Variants in VPS13B observed in about 807,000 individuals in gnomAD.
VPS13B encodes the protein intermembrane lipid transfer protein VPS13B.
VPS13B carries 285 observed loss-of-function variants against 426.4 expected under a neutral mutation model. That is an observed-to-expected ratio of 0.67 (90% confidence interval 0.61 to 0.74). The LOEUF (loss-of-function observed/expected upper bound fraction) is 0.74. Among genes scored for constraint, VPS13B ranks in the 30% least tolerant of loss-of-function variants. VPS13B has a pLI of 0.00. For missense variants in VPS13B, 4,537 were observed against 4,782.6 expected (o/e 0.95, Z 1.51); for synonymous variants, 1,676 against 1,676.4 (o/e 1.00, Z 0.01).
chr8:99,170,430 A>G (rs1382647987), intron 16 of VPS13B, among the ~76,000 whole-genome samples: 1 of 151,926 alleles, frequency 6.6e-6, no homozygotes, highest in African/African-American at 2.4e-5. Context: ...ACTACTTGAG[A>G]TTATAATAGG....
chr8:99,080,120 G>A (rs1485048373), intron 3 of VPS13B, among the ~76,000 whole-genome samples: 1 of 151,154 alleles, frequency 6.6e-6, no homozygotes, highest in Non-Finnish European at 1.5e-5. Flanking sequence ...TACTGCAGGG[G>A]TCATTATTCA....
chr8:99,304,952 T>C lies in VPS13B; in HGVS notation c.2824+29698T>C, dbSNP rs1270779712. Among the ~76,000 whole-genome samples, 12 of 152,246 alleles carry C rather than the reference T, an allele frequency of 7.9e-5. No homozygotes were observed. In the East Asian group the frequency reaches 2.3e-3, roughly 29 times the overall value. On this transcript the variant is annotated intron_variant, in intron 19 of 61. Coordinates refer to ENST00000357162, the MANE Select transcript of VPS13B (RefSeq NM_152564.5). ...AGCCTCATATTGTGTGGTATTTTCA[T>C]GTGCATATCATCCTCCCATCATGTG...
chr8:99,018,464 G>A (rs1165543818), intron 2 of VPS13B, among the ~76,000 whole-genome samples: 1 of 152,126 alleles, frequency 6.6e-6, no homozygotes, highest in Non-Finnish European at 1.5e-5. Flanking sequence ...TTAGTATGTC[G>A]ACCTATCCAG....
chr8:99,096,285 C>G (rs931831548), intron 3 of VPS13B, 27 bp from the exon 4 acceptor site: 1 of 1,612,368 alleles, frequency 6.2e-7, no homozygotes, highest in Non-Finnish European at 8.5e-7. Context: ...CGATGGTTTT[C>G]TTTTTCTTTC....
intron 5 of VPS13B, among the ~76,000 whole-genome samples, chr8:99,107,507 G>A (rs113706316): frequency 0.063 from 9,529 of 151,438 alleles, 409 homozygotes; most frequent in African/African-American, 0.12. Context: ...TTCCCCTTAC[G>A]TATTTTTTTT....
At chr8:99,254,258 C>T (rs1450278701) in intron 17 of VPS13B, among the ~76,000 whole-genome samples, 1 of 151,974 alleles carries the variant, frequency 6.6e-6, no homozygotes, top group East Asian at 1.9e-4. Flanking sequence ...TTTAGTTTCC[C>T]TTCATCTGAG....
intron 30 of VPS13B, among the ~76,000 whole-genome samples, chr8:99,542,193 C>A (rs1823660002): frequency 6.6e-6 from 1 of 152,108 alleles, no homozygotes; most frequent in African/African-American, 2.4e-5. Context: ...CTGGCCTAAG[C>A]AATAATAAAG....
chr8:99,024,457 C>T (rs1351004389), intron 2 of VPS13B, among the ~76,000 whole-genome samples: 1 of 152,098 alleles, frequency 6.6e-6, no homozygotes, highest in African/African-American at 2.4e-5. Context: ...GTCTTTAGTC[C>T]ATCTTGAGTT....
chr8:99,208,627 T>C (rs1282890724), intron 17 of VPS13B, among the ~76,000 whole-genome samples: 1 of 152,210 alleles, frequency 6.6e-6, no homozygotes, highest in Non-Finnish European at 1.5e-5. Context: ...ATAAATATTT[T>C]GCATAAAGTG....
intron 19 of VPS13B, among the ~76,000 whole-genome samples, chr8:99,285,143 T>C (rs1819365481): frequency 6.6e-6 from 1 of 152,216 alleles, no homozygotes; most frequent in Non-Finnish European, 1.5e-5. Flanking sequence ...CCTATGATTA[T>C]GCATTTCTGA....
At chr8:99,684,047 G>T (rs1263503730) in intron 35 of VPS13B, among the ~76,000 whole-genome samples, 1 of 152,118 alleles carries the variant, frequency 6.6e-6, no homozygotes, top group East Asian at 1.9e-4. Flanking sequence ...AATGGATATT[G>T]AATTTTTCAA....
chr8:99,318,671 C>T (rs143827312), intron 19 of VPS13B, among the ~76,000 whole-genome samples: 4 of 152,200 alleles, frequency 2.6e-5, no homozygotes, highest in African/African-American at 9.6e-5. Flanking sequence ...AGGCACGCAC[C>T]ACCAAGCCTA....
At chr8:99,029,458 C>T (rs1008677976) in intron 2 of VPS13B, among the ~76,000 whole-genome samples, 10 of 152,030 alleles carry the variant, frequency 6.6e-5, no homozygotes, top group Admixed American at 3.3e-4. Context: ...GCCGAGATCA[C>T]GCCACTGCAC....
chr8:99,296,779 T>C (rs780656057), intron 19 of VPS13B, among the ~76,000 whole-genome samples: 8 of 152,184 alleles, frequency 5.3e-5, no homozygotes, highest in African/African-American at 1.9e-4. Flanking sequence ...ATTGTCCTTC[T>C]GCCACGTGAG....
Position 99,294,102 on chromosome 8 carries a change from G to T in VPS13B, c.2824+18848G>T, listed in dbSNP as rs564076005. ...AAACACATGCACACATATGTTTATTGCGGCATTATTCACAATAGCAAAGAC... is the reference window on the plus strand; with the variant it reads ...AAACACATGCACACATATGTTTATTTCGGCATTATTCACAATAGCAAAGAC... On this transcript the variant is annotated intron_variant, in intron 19 of 61. Transcript: ENST00000357162. Among the ~76,000 whole-genome samples, 276 of 79,416 alleles carry T rather than the reference G, an allele frequency of 3.5e-3. 3 individuals are homozygous for T. The highest frequency in any genetic ancestry group is 0.014 in the African/African-American group (261 of 18,234). The allele number at this position is 79,416 out of a possible 152,430, so 52.1% of individuals were successfully genotyped here.
rs911395072 is a variant in VPS13B, at chr8:99,054,572, A to G, written c.291+16006A>G. 4.6e-5 allele frequency among the ~76,000 whole-genome samples: 7 copies of G among 152,126 alleles called. No homozygotes were observed. In the East Asian group the frequency reaches 9.6e-4, roughly 21 times the overall value. Reference sequence around the variant, plus strand: ...ACGTATTTAATTTGGATAAAGTCCAATTTGCCTATTTTTAACTTTTATTGC... The same window carrying G: ...ACGTATTTAATTTGGATAAAGTCCAGTTTGCCTATTTTTAACTTTTATTGC... On this transcript the variant is annotated intron_variant, in intron 3 of 61. Transcript: ENST00000357162.
intron 36 of VPS13B, 55 bp downstream of exon 36, chr8:99,699,987 C>T (rs1318311359): frequency 6.3e-7 from 1 of 1,582,212 alleles, no homozygotes; most frequent in Non-Finnish European, 8.6e-7. Context: ...GATTTGTTAA[C>T]ATCTGAAAAT....
At chr8:99,474,043 G>T (rs911124056) in intron 24 of VPS13B, among the ~76,000 whole-genome samples, 1 of 152,110 alleles carries the variant, frequency 6.6e-6, no homozygotes, top group African/African-American at 2.4e-5. Flanking sequence ...GACTCAAATT[G>T]TTGATGGCTT....
intron 17 of VPS13B, among the ~76,000 whole-genome samples, chr8:99,227,610 G>T (rs570542296): frequency 6.6e-6 from 1 of 152,182 alleles, no homozygotes; most frequent in African/African-American, 2.4e-5. Context: ...ATAATTAGTA[G>T]ATTGCTGAAT....
Sources: allele counts gnomAD v4.1 joint callset (sites outside exome capture counted in the v4.1 genomes callset), GRCh38; gene constraint gnomAD v4.1.1; transcripts MANE v1.5; gene names NCBI Gene and HGNC (gene_info 2026-07-23, HGNC 2026-07-21).